UBR4: variants seen among roughly 807,000 people sequenced by gnomAD.
UBR4 encodes E3 ubiquitin-protein ligase UBR4.
In UBR4, 124 loss-of-function variants were observed where a neutral mutation model predicts 575.6. That is an observed-to-expected ratio of 0.22 (90% CI 0.19 to 0.25). The LOEUF is 0.25. Among genes scored for constraint, UBR4 ranks in the 10% least tolerant of loss-of-function variants. The pLI is 1.00. For missense variants in UBR4, 4,818 were observed against 6,478.8 expected (o/e 0.74, Z 8.80); for synonymous variants, 2,455 against 2,473.7 (o/e 0.99, Z 0.22).
Position 19,120,329 on chromosome 1 carries a change from C to T in UBR4, c.10161G>A (p.Gln3387=). ...KEKDGETSGS[Q]EDQLCTALVN... is the part of the protein sequence containing the mutation. The stretch of plus-strand genomic sequence containing the variant: ...CCAGAGCTGTGCACAGCTGGTCCTC[C>T]TGGCTGCCAGAGGTCTCACCTGCAA... The change falls in exon 69 of 106, where the codon CAG becomes CAA. Residue 3387 remains glutamine, a synonymous_variant. Transcript: ENST00000375254. 6.2e-7 allele frequency: 1 copy of T among 1,614,174 alleles called. No individual in the cohort carries two copies. Among genetic ancestry groups the T allele is most frequent in the Non-Finnish European group, 8.5e-7 (1 of 1,180,008 alleles).
At chr1:19,170,950 C>T in intron 25 of UBR4, 67 bp from the exon 26 acceptor site, 1 of 1,607,380 alleles carries the variant, frequency 6.2e-7, no homozygotes, top group Non-Finnish European at 8.5e-7. Flanking sequence ...AAAAACTGGC[C>T]CTAGACTGGC....
chr1:19,086,077 G>A (rs1341551100), intron 101 of UBR4, 68 bp downstream of exon 101: 26 of 1,573,530 alleles, frequency 1.7e-5, no homozygotes, highest in Non-Finnish European at 2.2e-5. Context: ...GGATTGGGCT[G>A]ATAGCGGGTC....
At chr1:19,201,606 AG>A in intron 2 of UBR4, 111 bp downstream of exon 2, 1 of 838,792 alleles carries the variant, frequency 1.2e-6, no homozygotes, top group East Asian at 2.8e-5. Flanking sequence ...GCAGCTTAGG[AG>A]TGCTAAAACC....
intron 28 of UBR4, among the ~76,000 whole-genome samples, 160 bp from the exon 29 acceptor site, chr1:19,167,391 A>AG (rs760697417): frequency 5.9e-5 from 9 of 152,256 alleles, no homozygotes; most frequent in Admixed American, 3.3e-4. Context: ...TTTTATACAC[A>AG]GGTATCATCA....
At chr1:19,160,844 A>T (rs2087227411) in intron 38 of UBR4, 73 bp downstream of exon 38, 9 of 1,426,932 alleles carry the variant, frequency 6.3e-6, no homozygotes, top group Non-Finnish European at 8.8e-6. Context: ...AGCCATGTGC[A>T]TTATTTACTC....
chr1:19,178,094 T>C (rs2090470697), intron 18 of UBR4, among the ~76,000 whole-genome samples: 1 of 152,198 alleles, frequency 6.6e-6, no homozygotes, highest in South Asian at 2.1e-4. Flanking sequence ...CTATTGTTCC[T>C]TTCTGATTAA....
At chr1:19,111,290 A>G (rs2149297866) in intron 78 of UBR4, among the ~76,000 whole-genome samples, 1 of 152,132 alleles carries the variant, frequency 6.6e-6, no homozygotes, top group East Asian at 1.9e-4. Flanking sequence ...CGTATCACTC[A>G]CTCTTGCTTC....
At chr1:19,208,466 CAAAAAA>C (rs71030137) in intron 1 of UBR4, among the ~76,000 whole-genome samples, 18,560 of 76,854 alleles carry the variant, frequency 0.24, 1,203 homozygotes, top group Middle Eastern at 0.36. Flanking sequence ...GAATCCATCT[CAAAAAA>C]AAAAAAAAAA....
intron 90 of UBR4, among the ~76,000 whole-genome samples, 187 bp downstream of exon 90, chr1:19,099,410 A>G (rs1196567216): frequency 6.6e-6 from 1 of 152,210 alleles, no homozygotes; most frequent in Non-Finnish European, 1.5e-5. Context: ...ATGTCCCTCC[A>G]TTAGTCAGAT....
chr1:19,118,481 G>A (rs568590796), intron 71 of UBR4: 21 of 174,298 alleles, frequency 1.2e-4, no homozygotes, highest in Middle Eastern at 2.6e-3. Flanking sequence ...GTGCAGTGGC[G>A]TGGATCACAG....
intron 99 of UBR4, 119 bp from the exon 100 acceptor site, chr1:19,086,940 C>G: frequency 7.1e-7 from 1 of 1,409,394 alleles, no homozygotes; most frequent in Non-Finnish European, 9.5e-7. Context: ...AGGTTGCTCT[C>G]ACTAGGGAAG....
chr1:19,160,071 T>C (rs765846959), intron 39 of UBR4, 40 bp downstream of exon 39: 9 of 1,591,546 alleles, frequency 5.7e-6, no homozygotes, highest in Middle Eastern at 1.8e-4. Flanking sequence ...AATTTGTTGG[T>C]TCCCACAGCC....
chr1:19,152,305 A>G lies in UBR4; in HGVS notation c.6996+8T>C, dbSNP rs2085849752. On this transcript the variant is annotated splice_region_variant and intron_variant, in intron 47 of 105. Coordinates refer to ENST00000375254, the MANE Select transcript of UBR4 (RefSeq NM_020765.3). The surrounding 1 kb of genome is among the most constrained non-coding windows in gnomAD (Gnocchi z 4.4). ...CAGGGATTGATCCCAGCCCAGTGCCATTCTTACCTTGGTGTTGGCCACATA... is the reference window on the plus strand; with the variant it reads ...CAGGGATTGATCCCAGCCCAGTGCCGTTCTTACCTTGGTGTTGGCCACATA... 6.2e-7 allele frequency: 1 copy of G among 1,613,748 alleles called. No individual in the cohort carries two copies. Among genetic ancestry groups the G allele is most frequent in the South Asian group, 1.1e-5 (1 of 91,068 alleles).
chr1:19,157,006 T>C lies in UBR4; in HGVS notation c.5761-81A>G. On this transcript the variant is annotated intron_variant, in intron 40 of 105. Coordinates refer to ENST00000375254, the MANE Select transcript of UBR4 (RefSeq NM_020765.3). This position sits in a 1 kb window ranked among gnomAD's most constrained non-coding sequence, Gnocchi z 4.4. ...AAGCAAGTAACAAAAACTCTTTCAA[T>C]AGGGATAACAGGTTGCACACTTTTT... The C allele has an allele frequency of 1.3e-6, 2 of 1,491,848 alleles. No homozygotes were observed. Among genetic ancestry groups the C allele is most frequent in the Non-Finnish European group, 1.8e-6 (2 of 1,104,650 alleles). The allele number at this position is 1,491,848 out of a possible 1,614,324, so 92.4% of individuals were successfully genotyped here.
intron 49 of UBR4, chr1:19,149,730 C>T: frequency 7.7e-7 from 1 of 1,298,700 alleles, no homozygotes. Context: ...CACACACTCA[C>T]TCGTGCAGAG....
chr1:19,079,416 G>A (rs552968729), intron 103 of UBR4: 5 of 152,346 alleles, frequency 3.3e-5, no homozygotes, highest in Admixed American at 3.3e-4. Context: ...ATGAGGACAA[G>A]AATCCATTTC....
chr1:19,204,575 GTT>G (rs2092914134), intron 1 of UBR4, among the ~76,000 whole-genome samples: 1 of 151,558 alleles, frequency 6.6e-6, no homozygotes, highest in African/African-American at 2.4e-5. Context: ...TAATTGCCTG[GTT>G]CAGTGTCATC....
chr1:19,156,197 G>A, intron 42 of UBR4, 74 bp downstream of exon 42: 1 of 1,571,828 alleles, frequency 6.4e-7, no homozygotes, highest in Non-Finnish European at 8.6e-7. Flanking sequence ...CCTGGGAGAA[G>A]CTAGCACATA....
chr1:19,116,291 C>T (rs1363963170), intron 73 of UBR4, among the ~76,000 whole-genome samples: 2 of 152,208 alleles, frequency 1.3e-5, no homozygotes, highest in African/African-American at 4.8e-5. Context: ...AGCTATGTAG[C>T]AGAGCTGGGA....
Sources: gnomAD v4.1 joint callset for allele counts (sites outside exome capture counted in the v4.1 genomes callset) on GRCh38, gnomAD v4.1.1 for gene constraint, Gnocchi (gnomAD v3.1) non-coding constraint, MANE v1.5 for transcripts, NCBI Gene and HGNC (gene_info 2026-07-23, HGNC 2026-07-21) for gene names.